Variants in TMEM196 observed in about 807,000 individuals in gnomAD.
The protein encoded by TMEM196 is transmembrane protein 196.
In TMEM196, 17 loss-of-function variants were observed where a neutral mutation model predicts 20.0. The observed-to-expected ratio is 0.85, with a 90% CI of 0.58 to 1.27. TMEM196 has a LOEUF of 1.27. Ranked by LOEUF, TMEM196 falls within the 50% of genes most tolerant of loss-of-function variation. The pLI is 0.00. For synonymous variants in TMEM196, 113 were observed against 88.9 expected (o/e 1.27, Z -1.52); for missense variants, 267 against 223.0 (o/e 1.20, Z -1.26).
In TMEM196 at chr7:19,767,245, C is replaced by A. The variant is rs532299568; in HGVS notation, c.147+5305G>T. Among the ~76,000 whole-genome samples the A allele has an allele frequency of 2.0e-5, 3 of 152,184 alleles. No individual in the cohort carries two copies. The East Asian group carries it at 5.8e-4, about 29-fold the overall frequency. ...TTTCTATTATACCACTATCAATTTA[C>A]ACCAGAAATAAACACATATTTACAT... On this transcript the variant is annotated intron_variant, in intron 1 of 4. Transcript: ENST00000405844.
chr7:19,746,418 C>T (rs922308510), intron 1 of TMEM196, among the ~76,000 whole-genome samples: 7 of 152,150 alleles, frequency 4.6e-5, no homozygotes, highest in African/African-American at 1.7e-4. Flanking sequence ...GCTAGATGCT[C>T]AATTTTCAAA....
Position 19,725,689 on chromosome 7 carries a change from T to C in TMEM196, c.284A>G (p.Lys95Arg). The change falls in exon 3 of 5, where the codon AAG becomes AGG. Residue 95 changes from lysine to arginine, a missense_variant. Transcript: ENST00000405844. ...CAGTGGGTATAGGGAGGAAGTTTTC[T>C]TTGTGACTGCCCGGAGGAACTGAAA... is the stretch of plus-strand genomic sequence containing the variant. ...LNFQFLRAVT[K>R]KTSSLYPLHL... 6.2e-7 allele frequency: 1 copy of C among 1,613,880 alleles called. No homozygotes were observed.
intron 1 of TMEM196, among the ~76,000 whole-genome samples, chr7:19,737,378 G>A (rs1325266913): frequency 1.3e-5 from 2 of 151,986 alleles, no homozygotes; most frequent in African/African-American, 4.8e-5. Flanking sequence ...ATAGAAAATG[G>A]TGTAGCCACT....
chr7:19,751,723 A>T (rs1784968902), intron 1 of TMEM196, among the ~76,000 whole-genome samples: 1 of 152,220 alleles, frequency 6.6e-6, no homozygotes, highest in Non-Finnish European at 1.5e-5. Context: ...GGTACAGACC[A>T]GTGTCAGAAT....
intron 1 of TMEM196, among the ~76,000 whole-genome samples, chr7:19,744,036 G>A (rs532645246): frequency 1.3e-5 from 2 of 152,248 alleles, no homozygotes; most frequent in South Asian, 4.1e-4. Context: ...GTGGAAGAAA[G>A]CGTTATAATT....
chr7:19,722,950 A>G (rs920970901), intron 4 of TMEM196, among the ~76,000 whole-genome samples: 2 of 152,180 alleles, frequency 1.3e-5, no homozygotes, highest in African/African-American at 4.8e-5. Context: ...TAGTAAAATT[A>G]TGTTGATAAA....
intron 1 of TMEM196, among the ~76,000 whole-genome samples, chr7:19,757,235 G>A (rs772206432): frequency 1.4e-4 from 21 of 147,196 alleles, no homozygotes; most frequent in Non-Finnish European, 4.5e-5. Flanking sequence ...GTGCAGTGGC[G>A]CAATCTTGGC....
intron 1 of TMEM196, among the ~76,000 whole-genome samples, chr7:19,742,587 C>A (rs1477591686): frequency 5.3e-5 from 8 of 152,262 alleles, no homozygotes; most frequent in African/African-American, 1.9e-4. Context: ...CCAGTGTCAA[C>A]ACTCTTGGGA....
At chr7:19,749,352 G>C (rs142114447) in intron 1 of TMEM196, among the ~76,000 whole-genome samples, 1 of 152,254 alleles carries the variant, frequency 6.6e-6, no homozygotes, top group East Asian at 1.9e-4. Flanking sequence ...TTTGAATTAA[G>C]TCACAGATTC....
chr7:19,747,941 CT>C (rs1459508606), intron 1 of TMEM196, among the ~76,000 whole-genome samples: 1 of 152,152 alleles, frequency 6.6e-6, no homozygotes, highest in Non-Finnish European at 1.5e-5. Context: ...TTTCCTACCA[CT>C]TGGTGGCAGT....
intron 1 of TMEM196, among the ~76,000 whole-genome samples, chr7:19,752,917 G>A (rs973846926): frequency 1.3e-5 from 2 of 151,948 alleles, no homozygotes; most frequent in African/African-American, 2.4e-5. Context: ...CGGCCTTTTT[G>A]TTCAATTTTT....
chr7:19,731,833 A>C (rs1286973807), intron 1 of TMEM196, among the ~76,000 whole-genome samples: 1 of 152,226 alleles, frequency 6.6e-6, no homozygotes, highest in Non-Finnish European at 1.5e-5. Context: ...GGGAGGAATC[A>C]ATCAATATTT....
intron 1 of TMEM196, among the ~76,000 whole-genome samples, chr7:19,766,064 C>A (rs368365822): frequency 6.6e-6 from 1 of 152,092 alleles, no homozygotes; most frequent in African/African-American, 2.4e-5. Context: ...TTAGAAACAT[C>A]GTTTTCTGAG....
chr7:19,772,670 C>A lies in TMEM196; in HGVS notation c.27G>T (p.Gly9=), dbSNP rs769412256. Residue 9 remains glycine, a synonymous_variant, in exon 1 of 5, where the codon GGG becomes GGT. Coordinates refer to ENST00000405844, the MANE Select transcript of TMEM196 (RefSeq NM_001363562.2). The part of the protein sequence containing the change: MCTSGQII[G]SLLVLSVLEI... Reference sequence around the variant, plus strand: ...CCAGCACGGAGAGCACCAAGAGGCTCCCAATAATCTGACCGCTGGTGCACA... The same window carrying A: ...CCAGCACGGAGAGCACCAAGAGGCTACCAATAATCTGACCGCTGGTGCACA... 4 of 1,535,110 alleles carry A rather than the reference C, an allele frequency of 2.6e-6. No individual in the cohort carries two copies. The African/African-American group carries it at 4.1e-5, about 16-fold the overall frequency.
chr7:19,749,373 A>G (rs536363133), intron 1 of TMEM196, among the ~76,000 whole-genome samples: 2 of 152,312 alleles, frequency 1.3e-5, no homozygotes, highest in South Asian at 2.1e-4. Context: ...CCCAAAAGCC[A>G]TCCATTTAGC....
intron 1 of TMEM196, among the ~76,000 whole-genome samples, chr7:19,749,633 C>T (rs1461879813): frequency 6.6e-6 from 1 of 152,004 alleles, no homozygotes; most frequent in Non-Finnish European, 1.5e-5. Flanking sequence ...ATGAACATAT[C>T]CATCATCTCT....
intron 1 of TMEM196, among the ~76,000 whole-genome samples, chr7:19,754,164 G>T (rs1332491326): frequency 6.6e-6 from 1 of 152,130 alleles, no homozygotes; most frequent in Non-Finnish European, 1.5e-5. Context: ...TTTTTCCACA[G>T]TTTCCTCTTT....
intron 3 of TMEM196, 60 bp from the exon 4 acceptor site, chr7:19,724,413 T>A (rs2128012012): frequency 6.9e-7 from 1 of 1,457,738 alleles, no homozygotes; most frequent in African/African-American, 1.4e-5. Context: ...GAAAACTAAA[T>A]CAGACTAGTA....
At chr7:19,750,830 ATATAT>A (rs560900171) in intron 1 of TMEM196, among the ~76,000 whole-genome samples, 88 of 152,346 alleles carry the variant, frequency 5.8e-4, no homozygotes, top group Non-Finnish European at 1.1e-3. Context: ...AAGAACAATC[ATATAT>A]TATATCTTTT....
Sources: allele counts gnomAD v4.1 joint callset (sites outside exome capture counted in the v4.1 genomes callset), GRCh38; gene constraint gnomAD v4.1.1; transcripts MANE v1.5; gene names NCBI Gene and HGNC (gene_info 2026-07-23, HGNC 2026-07-21).